RASSF2: variants seen among roughly 807,000 people sequenced by gnomAD.
The protein encoded by RASSF2 is ras association domain-containing protein 2.
RASSF2 carries 34 observed loss-of-function variants against 46.3 expected under a neutral mutation model. The observed-to-expected ratio is 0.73, with a 90% CI of 0.56 to 0.98. RASSF2 has a LOEUF of 0.98. RASSF2 is among the 50% of genes least tolerant of loss of function. The pLI is 0.00. For missense variants in RASSF2, 364 were observed against 431.2 expected (o/e 0.84, Z 1.38); for synonymous variants, 158 against 162.5 (o/e 0.97, Z 0.21).
At chr20:4,786,049 T>C (rs552502840) in intron 11 of RASSF2, among the ~76,000 whole-genome samples, 182 bp downstream of exon 11, 1 of 152,292 alleles carries the variant, frequency 6.6e-6, no homozygotes, top group East Asian at 1.9e-4. Context: ...AAGAAGTAGA[T>C]GAACACACTT....
At chr20:4,816,857 A>G (rs1928353496) in intron 2 of RASSF2, among the ~76,000 whole-genome samples, 2 of 152,140 alleles carry the variant, frequency 1.3e-5, no homozygotes, top group Admixed American at 1.3e-4. Flanking sequence ...TAATCCCAGC[A>G]CTTTGGGAGG....
intron 2 of RASSF2, among the ~76,000 whole-genome samples, chr20:4,801,795 G>C (rs1200995687): frequency 1.3e-5 from 2 of 152,126 alleles, no homozygotes; most frequent in Non-Finnish European, 2.9e-5. Flanking sequence ...CTGGAGTGCA[G>C]TGGTATGACC....
intron 2 of RASSF2, among the ~76,000 whole-genome samples, chr20:4,819,469 G>T (rs1175632594): frequency 2.0e-5 from 3 of 152,150 alleles, no homozygotes; most frequent in Non-Finnish European, 4.4e-5. Context: ...ATTCGGTCCT[G>T]CAAGGGAATT....
rs1280803724 is a variant in RASSF2, at chr20:4,790,905, T to A, written c.377-294A>T. On this transcript the variant is annotated intron_variant, in intron 6 of 11. Coordinates refer to ENST00000379400, the MANE Select transcript of RASSF2 (RefSeq NM_014737.3). This position sits in a 1 kb window ranked among gnomAD's most constrained non-coding sequence, Gnocchi z 4.3. ...GGTGCTTTTATATATAAAATAGGGA[T>A]AATAATAACACCCACCTCAGAGGGT... is the stretch of plus-strand genomic sequence containing the variant. 6.6e-6 allele frequency among the ~76,000 whole-genome samples: 1 copy of A among 152,132 alleles called. No individual in the cohort carries two copies. Among genetic ancestry groups the A allele is most frequent in the African/African-American group, 2.4e-5 (1 of 41,416 alleles).
intron 1 of RASSF2, among the ~76,000 whole-genome samples, chr20:4,822,814 C>CCTCTGG (rs1435292277): frequency 2.6e-5 from 4 of 152,096 alleles, no homozygotes; most frequent in Non-Finnish European, 5.9e-5. Flanking sequence ...CTGGGACCTG[C>CCTCTGG]CTCTGGGGAA....
At chr20:4,793,720 A>AGG (rs1474439018) in intron 5 of RASSF2, among the ~76,000 whole-genome samples, 1 of 151,776 alleles carries the variant, frequency 6.6e-6, no homozygotes, top group East Asian at 1.9e-4. Context: ...AGCTCAAGTG[A>AGG]TCACCCGCCT....
At chr20:4,813,671 A>T (rs1297711946) in intron 2 of RASSF2, among the ~76,000 whole-genome samples, 1 of 152,234 alleles carries the variant, frequency 6.6e-6, no homozygotes, top group Non-Finnish European at 1.5e-5. Context: ...AGGGCGCTGG[A>T]GCGGGACGAA....
chr20:4,812,795 C>T lies in RASSF2; in HGVS notation c.-33+9534G>A, dbSNP rs1386720916. Among the ~76,000 whole-genome samples, 2 of 152,146 alleles carry T rather than the reference C, an allele frequency of 1.3e-5. No individual in the cohort carries two copies. The highest frequency in any genetic ancestry group is 2.9e-5 in the Non-Finnish European group (2 of 68,022). ...GGTCTCAGAGGTTAGGTGGCTTGTCCCAGGTGGCACAGCCGACATGCAGCC... is the reference window on the plus strand; with the variant it reads ...GGTCTCAGAGGTTAGGTGGCTTGTCTCAGGTGGCACAGCCGACATGCAGCC... On this transcript the variant is annotated intron_variant, in intron 2 of 11. Transcript: ENST00000379400. The surrounding 1 kb of genome is among the most constrained non-coding windows in gnomAD (Gnocchi z 4.0).
rs1158732039 is a variant in RASSF2 at position 4,784,001 on chromosome 20, T to C, written c.*272A>G. ...CAGGTAGGCACATGGACACGTACCA[T>C]GTGTGCACACACATGTACACACACA... On this transcript the variant is annotated 3_prime_UTR_variant, in exon 12 of 12. Transcript: ENST00000379400. 2 of 471,378 alleles carry C rather than the reference T, an allele frequency of 4.2e-6. No homozygotes were observed. The highest frequency in any genetic ancestry group is 7.7e-6 in the Non-Finnish European group (2 of 258,084). 29.2% of individuals were successfully genotyped at this position (471,378 alleles called of 1,614,324 possible).
At chr20:4,796,869 T>C (rs1303490026) in intron 4 of RASSF2, among the ~76,000 whole-genome samples, 1 of 152,190 alleles carries the variant, frequency 6.6e-6, no homozygotes, top group East Asian at 1.9e-4. Flanking sequence ...AAGAATCGGT[T>C]CTCCTCCCTC....
intron 2 of RASSF2, among the ~76,000 whole-genome samples, chr20:4,809,417 C>T (rs1927593130): frequency 6.6e-6 from 1 of 152,102 alleles, no homozygotes; most frequent in Admixed American, 6.5e-5. Flanking sequence ...CTTACCTCCC[C>T]CTATAAATGA....
chr20:4,804,868 G>A (rs1419073578), intron 2 of RASSF2, among the ~76,000 whole-genome samples: 2 of 152,118 alleles, frequency 1.3e-5, no homozygotes, highest in Non-Finnish European at 2.9e-5. Flanking sequence ...AAGGGAGGGT[G>A]AGTGCTATGG....
intron 2 of RASSF2, among the ~76,000 whole-genome samples, chr20:4,804,140 C>T (rs900053837): frequency 3.3e-5 from 5 of 151,980 alleles, no homozygotes; most frequent in East Asian, 1.9e-4. Context: ...TTGTTACTGC[C>T]GGTTACCATG....
At chr20:4,800,798 C>A (rs1371966291) in intron 3 of RASSF2, among the ~76,000 whole-genome samples, 174 bp downstream of exon 3, 2 of 152,168 alleles carry the variant, frequency 1.3e-5, no homozygotes, top group African/African-American at 4.8e-5. Context: ...TCTATAGCAG[C>A]AGCCCTGACG....
chr20:4,793,643 T>TTTA (rs1568567731), intron 5 of RASSF2, among the ~76,000 whole-genome samples: 1 of 151,680 alleles, frequency 6.6e-6, no homozygotes, highest in African/African-American at 2.4e-5. Flanking sequence ...CTTATTTTTT[T>TTTA]TTTTTATTTT....
chr20:4,813,429 C>G (rs1038830946), intron 2 of RASSF2, among the ~76,000 whole-genome samples: 1 of 152,204 alleles, frequency 6.6e-6, no homozygotes, highest in Non-Finnish European at 1.5e-5. Context: ...TGGGAGGAAG[C>G]GGTCCTGGGA....
intron 3 of RASSF2, among the ~76,000 whole-genome samples, chr20:4,798,640 C>T (rs1926583201): frequency 6.6e-6 from 1 of 151,932 alleles, no homozygotes; most frequent in South Asian, 2.1e-4. Context: ...GCCTGGCCAA[C>T]ATGGTGAAAC....
intron 2 of RASSF2, among the ~76,000 whole-genome samples, chr20:4,821,805 T>C (rs1037409425): frequency 1.2e-4 from 17 of 147,266 alleles, no homozygotes; most frequent in African/African-American, 4.1e-4. Context: ...TTTGAGGCCC[T>C]CTTCCACCCC....
chr20:4,789,587 G>A lies in RASSF2; in HGVS notation c.639+9C>T, dbSNP rs1037226023. 1.2e-6 allele frequency: 2 copies of A among 1,612,732 alleles called. No homozygotes were observed. Among genetic ancestry groups the A allele is most frequent in the Non-Finnish European group, 1.7e-6 (2 of 1,178,742 alleles). On this transcript the variant is annotated intron_variant, in intron 8 of 11. Transcript: ENST00000379400. The stretch of plus-strand genomic sequence containing the variant: ...CCCCATCTGTGGCCACTCAGCAAAG[G>A]GAACTTGCCTTAAATTTGTTGAGCA...
Sources: allele counts gnomAD v4.1 joint callset (sites outside exome capture counted in the v4.1 genomes callset), GRCh38; gene constraint gnomAD v4.1.1; non-coding constraint Gnocchi (gnomAD v3.1); transcripts MANE v1.5; gene names NCBI Gene and HGNC (gene_info 2026-07-23, HGNC 2026-07-21).